Variants in KCNT2 observed in about 807,000 individuals in gnomAD.
KCNT2 encodes the protein potassium sodium-activated channel subfamily T member 2.
KCNT2 carries 67 observed loss-of-function variants against 153.8 expected under a neutral mutation model. That is an observed-to-expected ratio of 0.44 (90% CI 0.36 to 0.53). The LOEUF (loss-of-function observed/expected upper bound fraction) is 0.53, where lower values mean the gene tolerates loss of function less well. Ranked by LOEUF, KCNT2 falls within the 20% of genes least tolerant of loss-of-function variation. The pLI is 0.00. For missense variants in KCNT2, 975 were observed against 1,354.8 expected, an observed-to-expected ratio of 0.72 and a Z score of 4.40; for synonymous variants, 500 against 458.8, an observed-to-expected ratio of 1.09 and a Z score of -1.15.
chr1:196,477,699 T>C (rs1291823412), intron 5 of KCNT2, among the ~76,000 whole-genome samples: 1 of 152,162 alleles, frequency 6.6e-6, no homozygotes, highest in Non-Finnish European at 1.5e-5. Flanking sequence ...TAACAAAAAT[T>C]AGTAATGATT....
chr1:196,516,020 AC>A (rs1682021546), intron 1 of KCNT2, among the ~76,000 whole-genome samples: 2 of 152,134 alleles, frequency 1.3e-5, no homozygotes, highest in South Asian at 4.1e-4. Flanking sequence ...AGCATTAGAT[AC>A]CCAGACTTCC....
intron 1 of KCNT2, among the ~76,000 whole-genome samples, chr1:196,494,610 G>C (rs900836397): frequency 2.6e-5 from 4 of 152,078 alleles, no homozygotes; most frequent in African/African-American, 9.7e-5. Context: ...GCCCACCTCA[G>C]CCTCCCAAAG....
intron 7 of KCNT2, among the ~76,000 whole-genome samples, chr1:196,467,322 C>T (rs917286554): frequency 3.3e-5 from 5 of 151,942 alleles, no homozygotes; most frequent in African/African-American, 1.2e-4. Flanking sequence ...AGTAACTTGG[C>T]AATATGGACA....
At chr1:196,521,462 G>A (rs1558036313) in intron 1 of KCNT2, among the ~76,000 whole-genome samples, 1 of 152,032 alleles carries the variant, frequency 6.6e-6, no homozygotes, top group Non-Finnish European at 1.5e-5. Flanking sequence ...TACCCTAAAA[G>A]AATATAAATC....
intron 12 of KCNT2, among the ~76,000 whole-genome samples, chr1:196,421,443 A>T (rs1460130834): frequency 6.6e-6 from 1 of 152,058 alleles, no homozygotes; most frequent in African/African-American, 2.4e-5. Context: ...CAATTACATA[A>T]GTCAACCAAA....
Position 196,570,336 on chromosome 1 carries a change from A to G in KCNT2, c.95+37879T>C, listed in dbSNP as rs1011791516. On this transcript the variant is annotated intron_variant, in intron 1 of 27. Coordinates refer to ENST00000294725, the MANE Select transcript of KCNT2 (RefSeq NM_198503.5). ...AGATTTTCACAGTGCATTTGATTACATAATTTTAATTTTGCCTGAGTAAAC... is the reference window on the plus strand; with the variant it reads ...AGATTTTCACAGTGCATTTGATTACGTAATTTTAATTTTGCCTGAGTAAAC... Among the ~76,000 whole-genome samples the G allele has an allele frequency of 2.0e-5, 3 of 152,146 alleles. No individual in the cohort carries two copies. In the South Asian group the frequency reaches 6.2e-4, roughly 31 times the overall value.
At chr1:196,480,143 G>A (rs1678883350) in intron 4 of KCNT2, among the ~76,000 whole-genome samples, 1 of 152,026 alleles carries the variant, frequency 6.6e-6, no homozygotes, top group Admixed American at 6.6e-5. Flanking sequence ...AAATTATTCT[G>A]TGTTAAATAC....
chr1:196,531,089 C>T (rs1015463709), intron 1 of KCNT2, among the ~76,000 whole-genome samples: 1 of 152,072 alleles, frequency 6.6e-6, no homozygotes, highest in Non-Finnish European at 1.5e-5. Flanking sequence ...ACCATGTCCT[C>T]TAATATTCTC....
chr1:196,591,421 C>A (rs571978485), intron 1 of KCNT2, among the ~76,000 whole-genome samples: 2 of 152,176 alleles, frequency 1.3e-5, no homozygotes, highest in South Asian at 4.1e-4. Context: ...TAGAGCAATG[C>A]AAACAGACTA....
intron 27 of KCNT2, among the ~76,000 whole-genome samples, chr1:196,230,065 A>G (rs1327857939): frequency 6.6e-6 from 1 of 152,084 alleles, no homozygotes; most frequent in Admixed American, 6.6e-5. Flanking sequence ...TAAATTAAAC[A>G]ACAGATTTTC....
intron 22 of KCNT2, among the ~76,000 whole-genome samples, chr1:196,291,871 G>A (rs1179743005): frequency 6.6e-6 from 1 of 152,060 alleles, no homozygotes; most frequent in African/African-American, 2.4e-5. Context: ...TCCATTAAAA[G>A]GCTCTTATTT....
intron 7 of KCNT2, among the ~76,000 whole-genome samples, chr1:196,465,894 T>C (rs1292539743): frequency 6.6e-6 from 1 of 152,020 alleles, no homozygotes; most frequent in African/African-American, 2.4e-5. Flanking sequence ...AAGTTTAATT[T>C]CTTATAAAAG....
At chr1:196,409,268 C>T (rs1159827628) in intron 12 of KCNT2, among the ~76,000 whole-genome samples, 1 of 151,084 alleles carries the variant, frequency 6.6e-6, no homozygotes, top group African/African-American at 2.4e-5. Context: ...CCTTTTATTG[C>T]CGCCTTTTGC....
chr1:196,594,523 G>C (rs2149011537), intron 1 of KCNT2, among the ~76,000 whole-genome samples: 1 of 152,156 alleles, frequency 6.6e-6, no homozygotes, highest in East Asian at 1.9e-4. Context: ...TGGAGCCTTT[G>C]TATGGACTAC....
At chr1:196,341,492 G>A (rs1368592500) in intron 15 of KCNT2, among the ~76,000 whole-genome samples, 5 of 151,680 alleles carry the variant, frequency 3.3e-5, no homozygotes, top group Non-Finnish European at 7.4e-5. Flanking sequence ...GACTATATAC[G>A]TATATTGTAA....
chr1:196,434,643 C>T (rs1480229401), intron 8 of KCNT2, among the ~76,000 whole-genome samples: 2 of 151,790 alleles, frequency 1.3e-5, no homozygotes, highest in African/African-American at 4.8e-5. Flanking sequence ...TCTACAAACC[C>T]TTCTTTTGCA....
intron 1 of KCNT2, among the ~76,000 whole-genome samples, chr1:196,564,138 G>T (rs994848714): frequency 1.3e-5 from 2 of 151,654 alleles, no homozygotes; most frequent in Admixed American, 1.3e-4. Flanking sequence ...ACTTCTGAAA[G>T]AACTCAGAAC....
chr1:196,332,173 C>T (rs755780937), intron 17 of KCNT2, among the ~76,000 whole-genome samples: 10 of 152,012 alleles, frequency 6.6e-5, no homozygotes, highest in Non-Finnish European at 1.2e-4. Flanking sequence ...AAATAAAGTT[C>T]GTTGGCTAAG....
intron 1 of KCNT2, among the ~76,000 whole-genome samples, chr1:196,572,309 G>T (rs1660872677): frequency 6.6e-6 from 1 of 152,076 alleles, no homozygotes; most frequent in African/African-American, 2.4e-5. Context: ...CTCAAGAGTA[G>T]TAGCCTAAAC....
Sources: allele counts gnomAD v4.1 joint callset (sites outside exome capture counted in the v4.1 genomes callset), GRCh38; gene constraint gnomAD v4.1.1; transcripts MANE v1.5; gene names NCBI Gene and HGNC (gene_info 2026-07-23, HGNC 2026-07-21).